Variants in CELF2 observed in about 807,000 individuals in gnomAD.
CELF2 encodes CUGBP Elav-like family member 2, also known as CUG triplet repeat RNA-binding protein 2.
A neutral mutation model predicts 62.6 loss-of-function variants in CELF2; 8 were observed. The ratio of observed to expected loss-of-function variants is 0.13; its 90% confidence interval spans 0.07 to 0.23. The LOEUF is 0.23. Ranked by LOEUF, CELF2 falls within the 10% of genes least tolerant of loss-of-function variation. The pLI, the probability that CELF2 is intolerant of heterozygous loss-of-function variation, is 1.00. For missense variants in CELF2, 333 were observed against 671.0 expected (o/e 0.50, Z 5.56); for synonymous variants, 258 against 250.0 (o/e 1.03, Z -0.30).
intron 1 of CELF2, among the ~76,000 whole-genome samples, chr10:11,074,067 T>C (rs2071057301): frequency 1.3e-5 from 2 of 152,218 alleles, no homozygotes; most frequent in African/African-American, 4.8e-5. Flanking sequence ...CTTGGACACA[T>C]CAAGTTCTGT....
intron 2 of CELF2, among the ~76,000 whole-genome samples, chr10:11,194,255 G>A (rs775649751): frequency 1.4e-4 from 22 of 151,764 alleles, no homozygotes; most frequent in Non-Finnish European, 2.2e-4. Flanking sequence ...TAGTAGAGAC[G>A]GGGTTTCACC....
rs2056376487 is a variant in CELF2 at position 11,011,047 on chromosome 10, C to T, written c.53+5607C>T. Reference sequence around the variant, plus strand: ...CTAACAACTCTCTCTTCTGTACCCTCATTTGTTCACCTTACAGCTGAGGAG... The same window carrying T: ...CTAACAACTCTCTCTTCTGTACCCTTATTTGTTCACCTTACAGCTGAGGAG... On this transcript the variant is annotated intron_variant, in intron 1 of 12. Coordinates refer to the CELF2 transcript ENST00000416382. This position sits in a 1 kb window ranked among gnomAD's most constrained non-coding sequence, Gnocchi z 4.6. The T allele has an allele frequency of 6.6e-6, 1 of 152,228 alleles. No individual in the cohort carries two copies. The highest frequency in any genetic ancestry group is 2.4e-5 in the African/African-American group (1 of 41,456). 9.4% of individuals were successfully genotyped at this position (152,228 alleles called of 1,614,324 possible).
the CELF2 span, among the ~76,000 whole-genome samples, chr10:10,621,487 A>G: frequency 1.3e-5 from 2 of 152,194 alleles, no homozygotes; most frequent in Non-Finnish European, 2.9e-5. Flanking sequence ...TGAGACAATC[A>G]TGAGAGCCTC....
At chr10:10,549,881 T>G in the CELF2 span, among the ~76,000 whole-genome samples, 1 of 152,300 alleles carries the variant, frequency 6.6e-6, no homozygotes, top group South Asian at 2.1e-4. Context: ...CTGAGATGAC[T>G]ATTTGCATGC....
chr10:10,704,112 G>A, the CELF2 span, among the ~76,000 whole-genome samples: 2 of 152,286 alleles, frequency 1.3e-5, no homozygotes, highest in Non-Finnish European at 2.9e-5. Context: ...CAGTCCCAGT[G>A]CCATGTCTGA....
chr10:10,707,935 T>A, the CELF2 span, among the ~76,000 whole-genome samples: 8 of 152,136 alleles, frequency 5.3e-5, no homozygotes, highest in Admixed American at 4.6e-4. Flanking sequence ...AAAAGAGGAA[T>A]AAATATAATT....
At chr10:10,632,538 CA>C in the CELF2 span, among the ~76,000 whole-genome samples, 1 of 152,110 alleles carries the variant, frequency 6.6e-6, no homozygotes, top group Non-Finnish European at 1.5e-5. Context: ...TGTCATCTGA[CA>C]ATTAGATCAT....
At chr10:10,790,099 A>G in the CELF2 span, among the ~76,000 whole-genome samples, 1 of 152,132 alleles carries the variant, frequency 6.6e-6, no homozygotes, top group Non-Finnish European at 1.5e-5. Flanking sequence ...GGTTTTGAAT[A>G]TGAATTGAAA....
At chr10:11,263,803 A>G (rs1327777258) in intron 5 of CELF2, among the ~76,000 whole-genome samples, 1 of 152,214 alleles carries the variant, frequency 6.6e-6, no homozygotes, top group Non-Finnish European at 1.5e-5. Flanking sequence ...CAAAAACTAA[A>G]AATCTATCCA....
intron 2 of CELF2, among the ~76,000 whole-genome samples, chr10:11,175,969 G>T (rs1013304357): frequency 6.6e-6 from 1 of 152,142 alleles, no homozygotes; most frequent in African/African-American, 2.4e-5. Flanking sequence ...ACCAGTTTCG[G>T]GTTAGCCATG....
chr10:10,834,209 A>T (rs2058093374), intron 1 of CELF2, among the ~76,000 whole-genome samples: 1 of 152,242 alleles, frequency 6.6e-6, no homozygotes, highest in African/African-American at 2.4e-5. Flanking sequence ...TAACTCAGGA[A>T]CAGAAAACCA....
In CELF2 at chr10:11,117,949, G is replaced by T. The variant is rs2143818458; in HGVS notation, c.75-47537G>T. ...GCTTTGAATGCATTCTGCCTCAAAAGGCATTTTGCTCTAATGGCTGTGTGG... is the reference window on the plus strand; with the variant it reads ...GCTTTGAATGCATTCTGCCTCAAAATGCATTTTGCTCTAATGGCTGTGTGG... On this transcript the variant is annotated intron_variant, in intron 1 of 12. Transcript: ENST00000633077. This position sits in a 1 kb window ranked among gnomAD's most constrained non-coding sequence, Gnocchi z 4.1. 6.6e-6 allele frequency among the ~76,000 whole-genome samples: 1 copy of T among 152,214 alleles called. No homozygotes were observed. The highest frequency in any genetic ancestry group is 1.5e-5 in the Non-Finnish European group (1 of 68,004).
chr10:10,709,193 T>TA, the CELF2 span, among the ~76,000 whole-genome samples: 1 of 152,228 alleles, frequency 6.6e-6, no homozygotes, highest in Non-Finnish European at 1.5e-5. Context: ...TGTTCATTGT[T>TA]AATGGCTGCT....
the CELF2 span, among the ~76,000 whole-genome samples, chr10:10,542,062 C>T: frequency 2.0e-5 from 3 of 152,184 alleles, no homozygotes; most frequent in African/African-American, 7.2e-5. Context: ...ATAGGATATA[C>T]ACCTGATGAT....
intron 2 of CELF2, among the ~76,000 whole-genome samples, chr10:10,976,589 G>T (rs2051366677): frequency 6.6e-6 from 1 of 151,786 alleles, no homozygotes. Context: ...CCCCTTTCTG[G>T]GTTCAAGATC....
chr10:10,715,584 C>T, the CELF2 span, among the ~76,000 whole-genome samples: 1 of 152,262 alleles, frequency 6.6e-6, no homozygotes, highest in East Asian at 1.9e-4. Flanking sequence ...TCAAATAACA[C>T]AGATAGAATC....
chr10:10,739,467 C>G, the CELF2 span, among the ~76,000 whole-genome samples: 2 of 152,238 alleles, frequency 1.3e-5, no homozygotes, highest in South Asian at 4.1e-4. Flanking sequence ...TAATTTTAGA[C>G]TTACAGAAAA....
chr10:11,075,651 T>TA lies in CELF2; in HGVS notation c.74+57489dup, dbSNP rs1412617266. Among the ~76,000 whole-genome samples, 2 of 152,098 alleles carry TA rather than the reference T, an allele frequency of 1.3e-5. No homozygotes were observed. The highest frequency in any genetic ancestry group is 2.4e-5 in the African/African-American group (1 of 41,424). On this transcript the variant is annotated intron_variant, in intron 1 of 12. Coordinates refer to ENST00000633077, the MANE Select transcript of CELF2 (RefSeq NM_001326342.2). The surrounding 1 kb of genome is among the most constrained non-coding windows in gnomAD (Gnocchi z 5.4). ...AGTGAATGTTGGTTTAGCGTTCACT[T>TA]AGAGACTTGTCTTTGGCGGATAAAG...
intron 2 of CELF2, among the ~76,000 whole-genome samples, chr10:11,210,071 G>A (rs934680034): frequency 8.5e-5 from 13 of 152,180 alleles, no homozygotes; most frequent in African/African-American, 1.4e-4. Flanking sequence ...TGATCTGTCA[G>A]CCCCTTAGAA....
Sources: gnomAD v4.1 joint callset for allele counts (sites outside exome capture counted in the v4.1 genomes callset) on GRCh38, gnomAD v4.1.1 for gene constraint, Gnocchi (gnomAD v3.1) non-coding constraint, MANE v1.5 for transcripts, NCBI Gene and HGNC (gene_info 2026-07-23, HGNC 2026-07-21) for gene names.